The following PHTF2 variants were observed in gnomAD, a reference collection of about 807,000 sequenced individuals.
PHTF2 encodes the protein protein PHTF2.
A neutral mutation model predicts 101.2 loss-of-function variants in PHTF2; 60 were observed. The ratio of observed to expected loss-of-function variants is 0.59; its 90% CI spans 0.48 to 0.73. PHTF2 has a LOEUF of 0.73. PHTF2 is among the 30% of genes least tolerant of loss of function. The pLI is 0.00. For missense variants in PHTF2, 747 were observed against 908.7 expected (o/e 0.82, Z 2.29); for synonymous variants, 311 against 307.3 (o/e 1.01, Z -0.13).
At chr7:77,951,375 C>T (rs1003851777) in intron 17 of PHTF2, among the ~76,000 whole-genome samples, 1 of 151,984 alleles carries the variant, frequency 6.6e-6, no homozygotes, top group Admixed American at 6.6e-5. Context: ...AAGTGTCTCA[C>T]CTTTTAAATA....
At chr7:77,847,705 C>T (rs1467510819) in intron 2 of PHTF2, among the ~76,000 whole-genome samples, 1 of 152,084 alleles carries the variant, frequency 6.6e-6, no homozygotes, top group East Asian at 1.9e-4. Flanking sequence ...TCTTTGTGTT[C>T]CAAACATTCT....
intron 5 of PHTF2, among the ~76,000 whole-genome samples, chr7:77,897,547 A>G (rs948532467): frequency 1.3e-5 from 2 of 152,022 alleles, no homozygotes; most frequent in Non-Finnish European, 2.9e-5. Flanking sequence ...GTTACTTTTC[A>G]TTTTTTATTT....
At chr7:77,947,713 A>T (rs1806176180) in intron 16 of PHTF2, among the ~76,000 whole-genome samples, 1 of 152,116 alleles carries the variant, frequency 6.6e-6, no homozygotes, top group African/African-American at 2.4e-5. Context: ...AAAAATAAGT[A>T]ACTCATCAAG....
At chr7:77,833,401 G>A (rs1005204475) in intron 1 of PHTF2, among the ~76,000 whole-genome samples, 3 of 152,144 alleles carry the variant, frequency 2.0e-5, no homozygotes, top group Non-Finnish European at 4.4e-5. Flanking sequence ...AATGATACAA[G>A]GTTGTTGGAA....
intron 3 of PHTF2, among the ~76,000 whole-genome samples, chr7:77,889,099 G>A (rs1184930135): frequency 6.6e-6 from 1 of 152,120 alleles, no homozygotes; most frequent in African/African-American, 2.4e-5. Context: ...CTTTATCCAT[G>A]ACCCTAAGTC....
intron 2 of PHTF2, among the ~76,000 whole-genome samples, chr7:77,849,687 C>T (rs756738932): frequency 5.3e-5 from 8 of 152,170 alleles, no homozygotes; most frequent in Non-Finnish European, 1.0e-4. Context: ...TTCTTTGCAT[C>T]AGTGTTTTGT....
intron 3 of PHTF2, among the ~76,000 whole-genome samples, chr7:77,869,180 G>A (rs1798323479): frequency 6.6e-6 from 1 of 151,980 alleles, no homozygotes; most frequent in Non-Finnish European, 1.5e-5. Flanking sequence ...TACATCTTAT[G>A]GGATACATGT....
At chr7:77,863,553 T>G (rs952530056) in intron 3 of PHTF2, among the ~76,000 whole-genome samples, 6 of 152,176 alleles carry the variant, frequency 3.9e-5, no homozygotes, top group Non-Finnish European at 7.3e-5. Flanking sequence ...CCTATAGAGA[T>G]TGATTTTTAG....
chr7:77,841,386 A>G (rs886876155), intron 2 of PHTF2, among the ~76,000 whole-genome samples: 5 of 152,062 alleles, frequency 3.3e-5, no homozygotes, highest in African/African-American at 7.2e-5. Flanking sequence ...AGCCAAACAG[A>G]TGATTTTTAA....
At chr7:77,929,151 A>G (rs771597484) in exon 12 of PHTF2, 8 of 1,613,984 alleles carry the variant, frequency 5.0e-6, no homozygotes, top group Admixed American at 1.7e-5. Context: ...TCGCTGTTCA[A>G]GTTCCAGACA....
intron 12 of PHTF2, among the ~76,000 whole-genome samples, chr7:77,931,652 CATT>C (rs1229718118): frequency 5.3e-5 from 8 of 152,252 alleles, no homozygotes; most frequent in Non-Finnish European, 7.4e-5. Flanking sequence ...AGCAGTTTGT[CATT>C]ATATAGTAAA....
At chr7:77,935,448 A>G (rs998035736) in intron 12 of PHTF2, among the ~76,000 whole-genome samples, 6 of 152,046 alleles carry the variant, frequency 3.9e-5, no homozygotes, top group African/African-American at 1.4e-4. Context: ...GATGGCTACT[A>G]TCTCCTGACC....
At chr7:77,860,289 A>G (rs1797529906) in intron 3 of PHTF2, among the ~76,000 whole-genome samples, 1 of 152,204 alleles carries the variant, frequency 6.6e-6, no homozygotes, top group African/African-American at 2.4e-5. Flanking sequence ...CTCTTATTGA[A>G]ATCAAATGTA....
At chr7:77,867,939 G>C (rs1798200015) in intron 3 of PHTF2, among the ~76,000 whole-genome samples, 1 of 152,148 alleles carries the variant, frequency 6.6e-6, no homozygotes, top group African/African-American at 2.4e-5. Flanking sequence ...TTTAAAGCAA[G>C]TTGTATTCTA....
intron 15 of PHTF2, 57 bp downstream of exon 14, chr7:77,940,716 GTTTC>G: frequency 8.1e-7 from 1 of 1,229,508 alleles, no homozygotes; most frequent in Non-Finnish European, 1.1e-6. Flanking sequence ...GATAGTTCCA[GTTTC>G]TTTATCAATA....
At chr7:77,812,557 T>C (rs2150491539) in intron 1 of PHTF2, among the ~76,000 whole-genome samples, 1 of 152,184 alleles carries the variant, frequency 6.6e-6, no homozygotes, top group African/African-American at 2.4e-5. Context: ...TCTAAATAAA[T>C]GTAAGAAATA....
chr7:77,924,148 T>G (rs1803740588), intron 11 of PHTF2: 1 of 955,690 alleles, frequency 1.0e-6, no homozygotes, highest in Non-Finnish European at 1.2e-6. Flanking sequence ...AAAAGCAAAA[T>G]AAAGCCTCCT....
intron 9 of PHTF2, among the ~76,000 whole-genome samples, chr7:77,917,444 TTTACAA>T (rs1803036164): frequency 6.6e-6 from 1 of 152,228 alleles, no homozygotes; most frequent in Non-Finnish European, 1.5e-5. Context: ...TATTTGGTCC[TTTACAA>T]TTACATTTAT....
intron 7 of PHTF2, among the ~76,000 whole-genome samples, chr7:77,904,511 A>G (rs1317052171): frequency 6.6e-6 from 1 of 152,168 alleles, no homozygotes; most frequent in Non-Finnish European, 1.5e-5. Context: ...TTATTTTTTC[A>G]CCATTCTGAG....
Sources: gnomAD v4.1 joint callset for allele counts (sites outside exome capture counted in the v4.1 genomes callset) on GRCh38, gnomAD v4.1.1 for gene constraint, MANE v1.5 for transcripts, NCBI Gene and HGNC (gene_info 2026-07-23, HGNC 2026-07-21) for gene names.